The following FEM1C variants were observed in gnomAD, a reference collection of about 807,000 sequenced individuals.
FEM1C encodes protein fem-1 homolog C.
FEM1C carries 15 observed loss-of-function variants against 37.6 expected under a neutral mutation model. The ratio of observed to expected loss-of-function variants is 0.40; its 90% CI spans 0.27 to 0.61. The LOEUF (loss-of-function observed/expected upper bound fraction) is 0.61. Among genes scored for constraint, FEM1C ranks in the 20% least tolerant of loss-of-function variants. The pLI is 0.42. For missense variants in FEM1C, 532 were observed against 749.7 expected (o/e 0.71, Z 3.39); for synonymous variants, 287 against 272.8 (o/e 1.05, Z -0.51).
Position 115,542,931 on chromosome 5 carries a change from A to G in FEM1C, c.544+19T>C. ...AAATAAGTGGTAGACATTTAGAAAA[A>G]CAAAGAAGCTGAACTCACCTTTGAC... is the stretch of plus-strand genomic sequence containing the variant. On this transcript the variant is annotated intron_variant, in intron 2 of 2. Coordinates refer to ENST00000274457, the MANE Select transcript of FEM1C (RefSeq NM_020177.3). 1 of 1,592,138 alleles carries G rather than the reference A, an allele frequency of 6.3e-7. No individual in the cohort carries two copies. The highest frequency in any genetic ancestry group is 8.5e-7 in the Non-Finnish European group (1 of 1,169,710).
intron 2 of FEM1C, among the ~76,000 whole-genome samples, chr5:115,542,471 T>C (rs1003741841): frequency 1.3e-5 from 2 of 151,936 alleles, no homozygotes; most frequent in Non-Finnish European, 2.9e-5. Flanking sequence ...CAGTTTAGCC[T>C]AGCCTTCTCT....
rs371214945 is a variant in FEM1C at position 115,525,258 on chromosome 5, C to T, written c.904G>A (p.Val302Met). Residue 302 changes from valine to methionine, a missense_variant, in exon 3 of 3, where the codon GTG becomes ATG. Physicochemically the swap from Val to Met is conservative, Grantham distance 21. Around this residue, in one of 3 missense-constraint regions of FEM1C, gnomAD observed 221 missense variants for 404.1 expected, o/e 0.55. Coordinates refer to ENST00000274457, the MANE Select transcript of FEM1C (RefSeq NM_020177.3). ...LIMAYDYAKE[V>M]NSAEELEGLI... ...CCTTCTAGCTCTTCTGCACTGTTCACTTCCTTGGCATAATCATAAGCCATT... is the reference window on the plus strand; with the variant it reads ...CCTTCTAGCTCTTCTGCACTGTTCATTTCCTTGGCATAATCATAAGCCATT... 1 of 1,613,724 alleles carries T rather than the reference C, an allele frequency of 6.2e-7. No individual in the cohort carries two copies. Among genetic ancestry groups the T allele is most frequent in the East Asian group, 2.2e-5 (1 of 44,870 alleles).
chr5:115,544,056 A>C, intron 1 of FEM1C: 1 of 985,420 alleles, frequency 1.0e-6, no homozygotes, highest in East Asian at 1.1e-4. Context: ...CTTTCTTGCA[A>C]CTGCAGGAGA....
intron 2 of FEM1C, among the ~76,000 whole-genome samples, chr5:115,531,467 C>A (rs1754013247): frequency 6.6e-6 from 1 of 152,086 alleles, no homozygotes; most frequent in Admixed American, 6.6e-5. Context: ...AAAAGACTAA[C>A]AAATATTTCC....
intron 2 of FEM1C, among the ~76,000 whole-genome samples, chr5:115,536,351 C>G (rs975796955): frequency 1.3e-5 from 2 of 151,824 alleles, no homozygotes; most frequent in Non-Finnish European, 2.9e-5. Context: ...TGGAAAGACA[C>G]AAAAACAGTC....
At chr5:115,527,095 A>G (rs1474661766) in intron 2 of FEM1C, among the ~76,000 whole-genome samples, 1 of 152,026 alleles carries the variant, frequency 6.6e-6, no homozygotes, top group East Asian at 1.9e-4. Flanking sequence ...ACATCTACAC[A>G]AAGATTTCTC....
At position 115,524,821 on chromosome 5, in the gene FEM1C, G is replaced by T. The variant is rs755247257; in HGVS notation, c.1341C>A (p.His447Gln). 7 of 1,606,940 alleles carry T rather than the reference G, an allele frequency of 4.4e-6. No individual in the cohort carries two copies. Among genetic ancestry groups the T allele is most frequent in the African/African-American group, 1.3e-5 (1 of 74,532 alleles). Reference sequence around the variant, plus strand: ...GAACTTTCTCTAACAAGCAAATTAAGTGCAAAATAATAGAAAGGGCCTTAT... The same window carrying T: ...GAACTTTCTCTAACAAGCAAATTAATTGCAAAATAATAGAAAGGGCCTTAT... Reference protein sequence around the residue: ...QLNKALSIILHLICLLEKVPC... With the variant: ...QLNKALSIILQLICLLEKVPC... The change falls in exon 3 of 3, where the codon CAC (histidine) becomes CAA (glutamine). Residue 447 changes from histidine to glutamine, a missense_variant. His to Gln is a conservative substitution (Grantham distance 24). Around this residue, in one of 3 missense-constraint regions of FEM1C, gnomAD observed 237 missense variants for 260.5 expected, o/e 0.91. Coordinates refer to ENST00000274457, the MANE Select transcript of FEM1C (RefSeq NM_020177.3).
In FEM1C at chr5:115,543,382, T is replaced by G; in HGVS notation, c.112A>C (p.Lys38Gln). The change falls in exon 2 of 3, where the codon AAA (lysine) becomes CAA (glutamine). Residue 38 changes from lysine to glutamine, a missense_variant. By Grantham distance (53) the Lys-to-Gln change is moderately conservative. Transcript: ENST00000274457. ...AAGAGTGGCGTGGCCCCATTTGTTT[T>G]TTCAGAGATCAAGGAGGAAACCTCC... ...KEEVSSLISEKTNGATPLLMA... is the reference protein window; with the variant it reads ...KEEVSSLISEQTNGATPLLMA... 1 of 1,614,218 alleles carries G rather than the reference T, an allele frequency of 6.2e-7. No individual in the cohort carries two copies. The highest frequency in any genetic ancestry group is 8.5e-7 in the Non-Finnish European group (1 of 1,180,042).
At chr5:115,529,359 C>A (rs1184699397) in intron 2 of FEM1C, among the ~76,000 whole-genome samples, 1 of 151,812 alleles carries the variant, frequency 6.6e-6, no homozygotes, top group Non-Finnish European at 1.5e-5. Flanking sequence ...TCATCAGGAA[C>A]AACAGAAACT....
intron 2 of FEM1C, among the ~76,000 whole-genome samples, chr5:115,529,571 G>T (rs13162494): frequency 6.6e-6 from 1 of 152,030 alleles, no homozygotes; most frequent in African/African-American, 2.4e-5. Context: ...GATGAGCCAC[G>T]TGGAAGCCTG....
rs373460859 is a variant in FEM1C, at chr5:115,524,274, C to T, written c.*34G>A. ...ATTTATGAAACAACTGTTACCAATT[C>T]GTGCTTTAACAGTGCTAAAATACAG... On this transcript the variant is annotated 3_prime_UTR_variant, in exon 3 of 3. Transcript: ENST00000274457. The T allele has an allele frequency of 5.2e-5, 80 of 1,550,622 alleles. No individual in the cohort carries two copies. The highest frequency in any genetic ancestry group is 2.7e-4 in the African/African-American group (20 of 73,600).
chr5:115,528,073 C>CA lies in FEM1C; in HGVS notation c.545-2457dup, dbSNP rs1753939830. ...TATTTCTGTATTTATCGAAAAAATA[C>CA]AAAATATATTTATTTTGAATACACC... On this transcript the variant is annotated intron_variant, in intron 2 of 2. Transcript: ENST00000274457. 2.9e-5 allele frequency among the ~76,000 whole-genome samples: 4 copies of CA among 137,594 alleles called. No homozygotes were observed. In the South Asian group the frequency reaches 9.5e-4, roughly 33 times the overall value. The allele number at this position is 137,594 out of a possible 152,430, so 90.3% of individuals were successfully genotyped here.
In FEM1C at chr5:115,524,220, T is replaced by A. The variant is rs1020007359; in HGVS notation, c.*88A>T. 1 of 1,044,596 alleles carries A rather than the reference T, an allele frequency of 9.6e-7. No homozygotes were observed. The highest frequency in any genetic ancestry group is 2.5e-5 in the East Asian group (1 of 40,274). The allele number at this position is 1,044,596 out of a possible 1,614,324, so 64.7% of individuals were successfully genotyped here. ...GCACAATGATATCAATCAAGCTAAA[T>A]GAATGCTGGTGTTATCACAACAGTG... On this transcript the variant is annotated 3_prime_UTR_variant, in exon 3 of 3. Coordinates refer to ENST00000274457, the MANE Select transcript of FEM1C (RefSeq NM_020177.3).
At chr5:115,535,749 G>T (rs897224844) in intron 2 of FEM1C, among the ~76,000 whole-genome samples, 1 of 151,902 alleles carries the variant, frequency 6.6e-6, no homozygotes, top group African/African-American at 2.4e-5. Flanking sequence ...CTAGGTATGT[G>T]CCTGAGAGAA....
chr5:115,542,015 C>T lies in FEM1C; in HGVS notation c.544+935G>A, dbSNP rs578262482. The stretch of plus-strand genomic sequence containing the variant: ...CACTGTTTGATTTTTTTTAACATGT[C>T]TATATGCTACTTTTAAATTTTAATG... On this transcript the variant is annotated intron_variant, in intron 2 of 2. Coordinates refer to ENST00000274457, the MANE Select transcript of FEM1C (RefSeq NM_020177.3). 2.0e-5 allele frequency among the ~76,000 whole-genome samples: 3 copies of T among 152,116 alleles called. No homozygotes were observed. The East Asian group carries it at 5.8e-4, about 29-fold the overall frequency.
In FEM1C at chr5:115,522,002, T is replaced by C. The variant is rs889317014; in HGVS notation, c.*2306A>G. 1.1e-4 allele frequency: 17 copies of C among 151,876 alleles called. No individual in the cohort carries two copies. 9.4% of individuals were successfully genotyped at this position (151,876 alleles called of 1,614,324 possible). On this transcript the variant is annotated 3_prime_UTR_variant, in exon 3 of 3. Transcript: ENST00000274457. ...TCAAGACTGAGTTCTAAGTTATCTA[T>C]TTTTACTGGTGCAAAAATGCTATTT...
In FEM1C at chr5:115,521,614, G is replaced by A. The variant is rs1248715313; in HGVS notation, c.*2694C>T. 1 of 151,718 alleles carries A rather than the reference G, an allele frequency of 6.6e-6. No homozygotes were observed. The highest frequency in any genetic ancestry group is 2.4e-5 in the African/African-American group (1 of 41,350). 9.4% of individuals were successfully genotyped at this position (151,718 alleles called of 1,614,324 possible). A position where few individuals can be genotyped will look rare whatever the true frequency, so the allele number is the denominator to read the frequency against. The stretch of plus-strand genomic sequence containing the variant: ...CTAAAATTCAGGAGGCCCCAAAAGG[G>A]CATTTTCATAGAAATGTTAATAACT... On this transcript the variant is annotated 3_prime_UTR_variant, in exon 3 of 3. Coordinates refer to ENST00000274457, the MANE Select transcript of FEM1C (RefSeq NM_020177.3).
At chr5:115,540,682 G>A (rs1012128723) in intron 2 of FEM1C, among the ~76,000 whole-genome samples, 8 of 152,162 alleles carry the variant, frequency 5.3e-5, no homozygotes, top group Admixed American at 1.3e-4. Flanking sequence ...ATTTATATTA[G>A]AGTTCTCTCA....
intron 2 of FEM1C, among the ~76,000 whole-genome samples, chr5:115,526,033 T>C (rs1018063525): frequency 2.0e-5 from 3 of 152,126 alleles, no homozygotes; most frequent in African/African-American, 7.2e-5. Context: ...TTGGTCTTTT[T>C]TTTTTTCTTT....
Sources: gnomAD v4.1 joint callset for allele counts (sites outside exome capture counted in the v4.1 genomes callset) on GRCh38, gnomAD v4.1.1 for gene constraint, gnomAD v4.1.1 regional missense constraint, MANE v1.5 for transcripts, NCBI Gene and HGNC (gene_info 2026-07-23, HGNC 2026-07-21) for gene names.